PTPRG: variants seen among roughly 807,000 people sequenced by gnomAD.
The protein encoded by PTPRG is receptor-type tyrosine-protein phosphatase gamma.
In PTPRG, 102 loss-of-function variants were observed where a neutral mutation model predicts 165.3. The observed-to-expected ratio is 0.62, with a 90% CI of 0.53 to 0.73. The LOEUF (loss-of-function observed/expected upper bound fraction) is 0.73. PTPRG is among the 30% of genes least tolerant of loss of function. The pLI is 0.00. For missense variants in PTPRG, 1,866 were observed against 1,861.4 expected (o/e 1.00, Z -0.05); for synonymous variants, 675 against 669.5 (o/e 1.01, Z -0.13).
At chr3:61,932,959 A>C (rs10452046) in intron 2 of PTPRG, among the ~76,000 whole-genome samples, 1 of 152,166 alleles carries the variant, frequency 6.6e-6, no homozygotes, top group Admixed American at 6.5e-5. Context: ...CCCACTTGCT[A>C]CTTCACTTTT....
At chr3:61,846,876 C>G (rs970384934) in intron 2 of PTPRG, among the ~76,000 whole-genome samples, 2 of 152,156 alleles carry the variant, frequency 1.3e-5, no homozygotes, top group African/African-American at 4.8e-5. Context: ...GATGGCACCA[C>G]TGCACTCCAG....
intron 2 of PTPRG, among the ~76,000 whole-genome samples, chr3:61,829,013 T>C (rs979027337): frequency 6.6e-6 from 1 of 152,228 alleles, no homozygotes; most frequent in African/African-American, 2.4e-5. Context: ...GCATGTGTTA[T>C]ATAGATATAT....
chr3:62,265,625 G>C (rs1188740016), intron 17 of PTPRG, among the ~76,000 whole-genome samples: 5 of 151,986 alleles, frequency 3.3e-5, no homozygotes, highest in Admixed American at 2.6e-4. Context: ...CTACTTTTCT[G>C]AGAAAATGAA....
intron 5 of PTPRG, among the ~76,000 whole-genome samples, chr3:62,102,087 T>C (rs1203412762): frequency 6.6e-6 from 1 of 152,168 alleles, no homozygotes; most frequent in African/African-American, 2.4e-5. Context: ...TCCTTAGTAA[T>C]ATTTTGGTAG....
At chr3:61,842,230 T>C (rs937689632) in intron 2 of PTPRG, among the ~76,000 whole-genome samples, 2 of 152,204 alleles carry the variant, frequency 1.3e-5, no homozygotes, top group African/African-American at 2.4e-5. Flanking sequence ...CAATTCTATG[T>C]GCATCCATCA....
chr3:61,823,962 T>C (rs757916763), intron 2 of PTPRG, among the ~76,000 whole-genome samples: 8 of 151,980 alleles, frequency 5.3e-5, no homozygotes, highest in Non-Finnish European at 1.0e-4. Flanking sequence ...CCGTCTCTAC[T>C]AAATTACAAA....
At chr3:61,931,578 C>A (rs1191500518) in intron 2 of PTPRG, among the ~76,000 whole-genome samples, 2 of 152,192 alleles carry the variant, frequency 1.3e-5, no homozygotes, top group Non-Finnish European at 2.9e-5. Context: ...TTACACAAGT[C>A]AAGACCCCGT....
At chr3:61,849,212 C>G (rs564363062) in intron 2 of PTPRG, among the ~76,000 whole-genome samples, 1 of 152,222 alleles carries the variant, frequency 6.6e-6, no homozygotes, top group African/African-American at 2.4e-5. Context: ...CACAGTTTCT[C>G]CTAAATTTGT....
At chr3:61,889,201 T>C (rs926918497) in intron 2 of PTPRG, among the ~76,000 whole-genome samples, 1 of 152,218 alleles carries the variant, frequency 6.6e-6, no homozygotes, top group Non-Finnish European at 1.5e-5. Context: ...GGTGGTTTTC[T>C]AACTCTGTGA....
intron 12 of PTPRG, among the ~76,000 whole-genome samples, chr3:62,212,954 T>G (rs1482139917): frequency 1.3e-5 from 2 of 152,184 alleles, no homozygotes; most frequent in Non-Finnish European, 2.9e-5. Flanking sequence ...CTGGGAAAAC[T>G]ACATCATCTG....
intron 2 of PTPRG, among the ~76,000 whole-genome samples, chr3:61,814,182 T>A (rs572922149): frequency 4.4e-4 from 67 of 152,326 alleles, no homozygotes; most frequent in Admixed American, 1.2e-3. Flanking sequence ...ATTACAGGCG[T>A]GAGCCACAGC....
chr3:61,629,448 C>A (rs1385128586), intron 1 of PTPRG, among the ~76,000 whole-genome samples: 1 of 152,196 alleles, frequency 6.6e-6, no homozygotes, highest in Non-Finnish European at 1.5e-5. Flanking sequence ...GCCACTGTAC[C>A]CGGCCCCTGA....
At chr3:61,998,006 T>C (rs1325319140) in intron 3 of PTPRG, among the ~76,000 whole-genome samples, 1 of 152,220 alleles carries the variant, frequency 6.6e-6, no homozygotes, top group Non-Finnish European at 1.5e-5. Flanking sequence ...GAGGATATGA[T>C]AGTAAGCTGC....
chr3:61,995,825 A>G (rs1276154963), intron 3 of PTPRG, among the ~76,000 whole-genome samples: 1 of 150,348 alleles, frequency 6.7e-6, no homozygotes, highest in Non-Finnish European at 1.5e-5. Context: ...GCTGGAGTGC[A>G]GTGGTGCAAT....
rs1038958877 is a variant in PTPRG at position 62,124,167 on chromosome 3, CGTT to C, written c.616-8429_616-8427del. ...AAAGGTTCTGTGAATTTGTTGTTGT[CGTT>C]GTTGTGCAAAGAAAAAAAAGAAGTC... On this transcript the variant is annotated intron_variant, in intron 5 of 29. Transcript: ENST00000474889. The C allele has an allele frequency of 2.9e-5, 20 of 695,090 alleles. 1 individual carries two copies. Among genetic ancestry groups the C allele is most frequent in the African/African-American group, 2.0e-4 (11 of 56,130 alleles). The allele number at this position is 695,090 out of a possible 1,614,324, so 43.1% of individuals were successfully genotyped here.
rs1012530949 is a variant in PTPRG at position 61,676,379 on chromosome 3, C to T, written c.86-72499C>T. On this transcript the variant is annotated intron_variant, in intron 1 of 29. Coordinates refer to ENST00000474889, the MANE Select transcript of PTPRG (RefSeq NM_002841.4). ...GGCTGAGGCAGGAGAATGGCGTGAACCTGGGAGGCAGAGCTTGCAGTGAGC... is the reference window on the plus strand; with the variant it reads ...GGCTGAGGCAGGAGAATGGCGTGAATCTGGGAGGCAGAGCTTGCAGTGAGC... 3.6e-5 allele frequency among the ~76,000 whole-genome samples: 5 copies of T among 137,680 alleles called. No individual in the cohort carries two copies. In the South Asian group the frequency reaches 9.3e-4, roughly 25 times the overall value. 90.3% of individuals were successfully genotyped at this position (137,680 alleles called of 152,430 possible).
rs572083599 is a variant in PTPRG at position 62,139,768 on chromosome 3, G to A, written c.682+7100G>A. 1.3e-5 allele frequency among the ~76,000 whole-genome samples: 2 copies of A among 152,284 alleles called. 1 individual carries two copies. Among genetic ancestry groups the A allele is most frequent in the African/African-American group, 4.8e-5 (2 of 41,556 alleles). On this transcript the variant is annotated intron_variant, in intron 6 of 29. Transcript: ENST00000474889. Reference sequence around the variant, plus strand: ...TTTGTTCACTTGGCTCACATTTGGGGTCTCCCTCCACCTTTTTGCCCCTGC... The same window carrying A: ...TTTGTTCACTTGGCTCACATTTGGGATCTCCCTCCACCTTTTTGCCCCTGC...
chr3:61,806,967 C>A (rs2035437622), intron 2 of PTPRG, among the ~76,000 whole-genome samples: 1 of 152,178 alleles, frequency 6.6e-6, no homozygotes, highest in South Asian at 2.1e-4. Context: ...GCAGCCCTTT[C>A]ATAAACAGAG....
Position 61,956,275 on chromosome 3 carries a change from GTCTCTC to G in PTPRG, c.191-33335_191-33330del, listed in dbSNP as rs199816889. 1.2e-4 allele frequency among the ~76,000 whole-genome samples: 15 copies of G among 122,360 alleles called. 1 individual carries two copies. In the South Asian group the frequency reaches 1.9e-3, roughly 16 times the overall value. 80.3% of individuals were successfully genotyped at this position (122,360 alleles called of 152,430 possible). A position where few individuals can be genotyped will look rare whatever the true frequency, so the allele number is the denominator to read the frequency against. On this transcript the variant is annotated intron_variant, in intron 2 of 29. Transcript: ENST00000474889. Reference sequence around the variant, plus strand: ...GCCAGTGCTCACTCGCGTGCACGCTGTCTCTCTCTCTCTCTCTCTCACACACACACA... The same window carrying G: ...GCCAGTGCTCACTCGCGTGCACGCTGTCTCTCTCTCTCTCACACACACACA...
Sources: gnomAD v4.1 joint callset for allele counts (sites outside exome capture counted in the v4.1 genomes callset) on GRCh38, gnomAD v4.1.1 for gene constraint, MANE v1.5 for transcripts, NCBI Gene and HGNC (gene_info 2026-07-23, HGNC 2026-07-21) for gene names.